Variants in CNTN5 observed in about 807,000 individuals in gnomAD.
CNTN5 encodes contactin 5.
Under a neutral mutation model 129.1 loss-of-function variants are expected in CNTN5, and 77 were observed. The ratio of observed to expected loss-of-function variants is 0.60; its 90% CI spans 0.50 to 0.72. The LOEUF is 0.72. CNTN5 is among the 30% of genes least tolerant of loss of function. CNTN5 has a pLI of 0.00. For synonymous variants in CNTN5, 509 were observed against 465.6 expected (o/e 1.09, Z -1.20); for missense variants, 1,478 against 1,328.8 (o/e 1.11, Z -1.75).
intron 3 of CNTN5, among the ~76,000 whole-genome samples, chr11:99,576,448 C>T (rs750790453): frequency 6.6e-6 from 1 of 152,254 alleles, no homozygotes; most frequent in African/African-American, 2.4e-5. Context: ...TGACATATAA[C>T]CCTTTTGGTA....
At chr11:99,660,756 G>T (rs1952565600) in intron 3 of CNTN5, among the ~76,000 whole-genome samples, 1 of 152,014 alleles carries the variant, frequency 6.6e-6, no homozygotes, top group African/African-American at 2.4e-5. Flanking sequence ...ATTCTATGCA[G>T]CCGCCTCAGT....
intron 1 of CNTN5, among the ~76,000 whole-genome samples, chr11:99,077,284 A>G (rs965097521): frequency 6.6e-6 from 1 of 152,242 alleles, no homozygotes; most frequent in African/African-American, 2.4e-5. Context: ...AACATCAACA[A>G]CAAAATTACA....
chr11:100,027,982 C>T (rs1028864349), intron 9 of CNTN5, among the ~76,000 whole-genome samples: 4 of 152,132 alleles, frequency 2.6e-5, no homozygotes, highest in African/African-American at 9.7e-5. Context: ...CAAACCTGCT[C>T]TAAATGTCTT....
At chr11:99,037,158 A>G (rs1353168740) in intron 1 of CNTN5, among the ~76,000 whole-genome samples, 1 of 152,204 alleles carries the variant, frequency 6.6e-6, no homozygotes, top group Non-Finnish European at 1.5e-5. Flanking sequence ...GTTTTCTCAT[A>G]TTCAAAGTAG....
At chr11:99,598,312 T>A (rs1950194259) in intron 3 of CNTN5, among the ~76,000 whole-genome samples, 1 of 14,902 alleles carries the variant, frequency 6.7e-5, no homozygotes, top group African/African-American at 1.5e-4. Flanking sequence ...TTCTTTTCTT[T>A]TCTTTTCTTT....
At chr11:100,057,910 T>A (rs1943301891) in intron 9 of CNTN5, among the ~76,000 whole-genome samples, 1 of 152,082 alleles carries the variant, frequency 6.6e-6, no homozygotes, top group South Asian at 2.1e-4. Flanking sequence ...CTTTCAAGAT[T>A]CACAACTACT....
intron 13 of CNTN5, among the ~76,000 whole-genome samples, chr11:100,104,162 T>G (rs1000555116): frequency 4.0e-5 from 6 of 150,624 alleles, no homozygotes; most frequent in African/African-American, 1.2e-4. Flanking sequence ...TAGTGAGATC[T>G]CCGCTCACTG....
chr11:99,366,597 T>C (rs117689059), intron 2 of CNTN5, among the ~76,000 whole-genome samples: 7,758 of 152,240 alleles, frequency 0.051, 218 homozygotes, highest in Middle Eastern at 0.068. Flanking sequence ...CATCAGTGTG[T>C]ATCGCCAAAG....
intron 2 of CNTN5, among the ~76,000 whole-genome samples, chr11:99,492,137 C>A (rs561579160): frequency 5.9e-5 from 9 of 152,140 alleles, no homozygotes; most frequent in Non-Finnish European, 8.8e-5. Context: ...AACAAAGATA[C>A]TTTGTTCATG....
At chr11:99,644,748 A>G (rs623402) in intron 3 of CNTN5, among the ~76,000 whole-genome samples, 91,371 of 152,004 alleles carry the variant, frequency 0.6, 28,307 homozygotes, top group Admixed American at 0.69. Context: ...ATATTTGAAC[A>G]TTTAGCCTAG....
intron 6 of CNTN5, among the ~76,000 whole-genome samples, chr11:99,853,089 A>T (rs1236660822): frequency 1.3e-5 from 2 of 152,180 alleles, no homozygotes; most frequent in Non-Finnish European, 2.9e-5. Context: ...AAAGGGGCAG[A>T]TAGAGACTAT....
intron 18 of CNTN5, among the ~76,000 whole-genome samples, chr11:100,284,091 G>A (rs983543671): frequency 6.6e-6 from 1 of 152,186 alleles, no homozygotes; most frequent in African/African-American, 2.4e-5. Context: ...CCTCTCCCAA[G>A]CAAACAGATT....
intron 2 of CNTN5, among the ~76,000 whole-genome samples, chr11:99,421,791 G>A (rs1942899910): frequency 6.6e-6 from 1 of 151,886 alleles, no homozygotes; most frequent in African/African-American, 2.4e-5. Flanking sequence ...AAATGTTTTG[G>A]TTTCTCTGAA....
chr11:99,083,133 T>A (rs1591163091), intron 1 of CNTN5, among the ~76,000 whole-genome samples: 2 of 152,144 alleles, frequency 1.3e-5, no homozygotes, highest in Non-Finnish European at 2.9e-5. Flanking sequence ...ATTTTTTAAA[T>A]CTTCCCTGCC....
intron 21 of CNTN5, among the ~76,000 whole-genome samples, chr11:100,312,988 G>A (rs2138936050): frequency 6.6e-6 from 1 of 152,160 alleles, no homozygotes; most frequent in East Asian, 1.9e-4. Context: ...CAAAGGTATA[G>A]CAAACCTGGT....
chr11:100,049,163 G>C (rs1356878865), intron 9 of CNTN5, among the ~76,000 whole-genome samples: 1 of 152,026 alleles, frequency 6.6e-6, no homozygotes, highest in East Asian at 1.9e-4. Flanking sequence ...TACATATAAA[G>C]TATATTTGCT....
In CNTN5 at chr11:99,428,322, G is replaced by A. The variant is rs113360441; in HGVS notation, c.-71+102838G>A. Among the ~76,000 whole-genome samples, 101 of 151,932 alleles carry A rather than the reference G, an allele frequency of 6.6e-4. 1 individual carries two copies. The highest frequency in any genetic ancestry group is 2.2e-3 in the African/African-American group (92 of 41,444). ...CGTTTTTAATCCCAGCACTTCGGAG[G>A]GCCAAGGTGGGTGGATCACTTGAGC... On this transcript the variant is annotated intron_variant, in intron 2 of 24. Transcript: ENST00000524871.
chr11:100,010,725 C>G lies in CNTN5; in HGVS notation c.980+8589C>G, dbSNP rs372630014. 1.3e-3 allele frequency among the ~76,000 whole-genome samples: 191 copies of G among 152,228 alleles called. 1 individual carries two copies. The highest frequency in any genetic ancestry group is 4.5e-3 in the African/African-American group (185 of 41,532). On this transcript the variant is annotated intron_variant, in intron 9 of 24. Coordinates refer to ENST00000524871, the MANE Select transcript of CNTN5 (RefSeq NM_014361.4). ...TAGCACCAATTCCACTTGACATTTTCAAACCCATCTCTTAATCAACTGCAC... is the reference window on the plus strand; with the variant it reads ...TAGCACCAATTCCACTTGACATTTTGAAACCCATCTCTTAATCAACTGCAC...
chr11:99,968,223 A>T (rs750189736), intron 8 of CNTN5, among the ~76,000 whole-genome samples: 2 of 152,174 alleles, frequency 1.3e-5, no homozygotes, highest in Non-Finnish European at 2.9e-5. Context: ...AACTTAAGAA[A>T]GTGAGTGGAA....
Sources: gnomAD v4.1 joint callset for allele counts (sites outside exome capture counted in the v4.1 genomes callset) on GRCh38, gnomAD v4.1.1 for gene constraint, MANE v1.5 for transcripts, NCBI Gene and HGNC (gene_info 2026-07-23, HGNC 2026-07-21) for gene names.